FSTL4: variants seen among roughly 807,000 people sequenced by gnomAD.
FSTL4 encodes follistatin-related protein 4.
Under a neutral mutation model 78.2 loss-of-function variants are expected in FSTL4, and 28 were observed. The observed-to-expected ratio is 0.36, with a 90% CI of 0.27 to 0.49. The LOEUF is 0.49. Among genes scored for constraint, FSTL4 ranks in the 20% least tolerant of loss-of-function variants. The probability of loss-of-function intolerance (pLI) is 0.98; values close to 1 mark genes in which losing one functional copy is unlikely to be tolerated. For synonymous variants in FSTL4, 422 were observed against 440.5 expected, an observed-to-expected ratio of 0.96 and a Z score of 0.53; for missense variants, 922 against 1,084.9, an observed-to-expected ratio of 0.85 and a Z score of 2.11.
intron 3 of FSTL4, among the ~76,000 whole-genome samples, chr5:133,401,905 C>T (rs72805042): frequency 0.048 from 7,280 of 152,014 alleles, 181 homozygotes; most frequent in South Asian, 0.074. Flanking sequence ...ACTTGGAGAG[C>T]CAAGCAGAGA....
At chr5:133,401,244 T>C (rs889864329) in intron 3 of FSTL4, among the ~76,000 whole-genome samples, 11 of 152,204 alleles carry the variant, frequency 7.2e-5, no homozygotes, top group African/African-American at 1.9e-4. Context: ...ACACAACACC[T>C]TTCCAACCTA....
At chr5:133,795,182 C>T in the FSTL4 span, among the ~76,000 whole-genome samples, 1 of 152,282 alleles carries the variant, frequency 6.6e-6, no homozygotes, top group East Asian at 1.9e-4. Context: ...CTTTATTTGG[C>T]CGTGAAGCTG....
chr5:133,375,576 T>C (rs1477564607), intron 4 of FSTL4, among the ~76,000 whole-genome samples: 1 of 151,896 alleles, frequency 6.6e-6, no homozygotes, highest in Non-Finnish European at 1.5e-5. Flanking sequence ...GGAGTGTTGG[T>C]GAAAGCATGA....
intron 3 of FSTL4, among the ~76,000 whole-genome samples, chr5:133,518,427 G>C (rs1175580788): frequency 1.3e-5 from 2 of 152,138 alleles, no homozygotes; most frequent in East Asian, 3.8e-4. Context: ...TTAAAACAAT[G>C]AAGTACCATT....
intron 4 of FSTL4, among the ~76,000 whole-genome samples, chr5:133,317,484 C>A (rs1196809048): frequency 6.6e-6 from 1 of 152,260 alleles, no homozygotes; most frequent in Non-Finnish European, 1.5e-5. Context: ...CCTGGCTTTG[C>A]TGAATCCTGG....
intron 12 of FSTL4, among the ~76,000 whole-genome samples, chr5:133,218,468 T>C (rs1581536067): frequency 6.6e-6 from 1 of 152,168 alleles, no homozygotes; most frequent in African/African-American, 2.4e-5. Flanking sequence ...CTCCTCTTTC[T>C]CAATTCCCCC....
At chr5:133,390,971 C>A (rs906007836) in intron 4 of FSTL4, among the ~76,000 whole-genome samples, 4 of 152,194 alleles carry the variant, frequency 2.6e-5, no homozygotes, top group African/African-American at 9.7e-5. Flanking sequence ...TACCCACTGT[C>A]CTCCCAGCCA....
intron 3 of FSTL4, among the ~76,000 whole-genome samples, chr5:133,484,829 T>C (rs538291767): frequency 6.6e-6 from 1 of 152,332 alleles, no homozygotes; most frequent in African/African-American, 2.4e-5. Flanking sequence ...ATTCCTTCCT[T>C]CTTACTTTGC....
At chr5:133,778,052 G>T in the FSTL4 span, among the ~76,000 whole-genome samples, 3 of 152,214 alleles carry the variant, frequency 2.0e-5, no homozygotes, top group Non-Finnish European at 4.4e-5. Flanking sequence ...GTCTCAGCTG[G>T]TCAGTGGGCC....
chr5:133,402,700 G>A (rs1756262110), intron 3 of FSTL4, among the ~76,000 whole-genome samples: 1 of 152,182 alleles, frequency 6.6e-6, no homozygotes, highest in South Asian at 2.1e-4. Context: ...TTAACTGCTT[G>A]ATTCAATAAT....
chr5:133,432,239 T>A (rs1458364159), intron 3 of FSTL4, among the ~76,000 whole-genome samples: 1 of 152,304 alleles, frequency 6.6e-6, no homozygotes, highest in East Asian at 1.9e-4. Flanking sequence ...GGAGGTAAAT[T>A]TGGAATCCAG....
At chr5:133,823,991 C>G in the FSTL4 span, among the ~76,000 whole-genome samples, 2 of 152,172 alleles carry the variant, frequency 1.3e-5, no homozygotes, top group African/African-American at 4.8e-5. Flanking sequence ...GAGACAAATA[C>G]CTTTGAAGAG....
intron 4 of FSTL4, among the ~76,000 whole-genome samples, chr5:133,366,423 G>T (rs949574693): frequency 6.6e-6 from 1 of 152,136 alleles, no homozygotes. Flanking sequence ...TGAGGGCAAG[G>T]ATACCGTCTG....
chr5:133,579,326 G>A (rs1036777860), intron 2 of FSTL4, among the ~76,000 whole-genome samples: 5 of 152,192 alleles, frequency 3.3e-5, no homozygotes, highest in Non-Finnish European at 7.3e-5. Context: ...GCTGGCTCAC[G>A]GAACATACTG....
the FSTL4 span, among the ~76,000 whole-genome samples, chr5:133,644,843 C>T: frequency 1.3e-5 from 2 of 152,130 alleles, no homozygotes; most frequent in Non-Finnish European, 2.9e-5. Context: ...CTGGGTTCTG[C>T]CAACTGCTTA....
At chr5:133,602,717 T>C (rs992850616) in intron 2 of FSTL4, among the ~76,000 whole-genome samples, 13 of 152,148 alleles carry the variant, frequency 8.5e-5, no homozygotes, top group Non-Finnish European at 5.9e-5. Flanking sequence ...AGAGATAGCG[T>C]TTCTGTTTAA....
At chr5:133,538,575 A>G (rs111373011) in intron 3 of FSTL4, among the ~76,000 whole-genome samples, 104 of 151,134 alleles carry the variant, frequency 6.9e-4, no homozygotes, top group African/African-American at 2.4e-3. Flanking sequence ...TTTTAACTCC[A>G]TCTTTCCTTC....
Position 133,236,530 on chromosome 5 carries a change from T to C in FSTL4, c.895-2993A>G, listed in dbSNP as rs1479982706. Among the ~76,000 whole-genome samples, 1 of 152,142 alleles carries C rather than the reference T, an allele frequency of 6.6e-6. No homozygotes were observed. The highest frequency in any genetic ancestry group is 1.5e-5 in the Non-Finnish European group (1 of 68,020). On this transcript the variant is annotated intron_variant, in intron 7 of 15. Transcript: ENST00000265342. This position sits in a 1 kb window ranked among gnomAD's most constrained non-coding sequence, Gnocchi z 5.0. ...GATTCATTCAGAGTGGGGTCTTCTC[T>C]CACCACCTCCATCGCTCCTGCTCTG...
intron 6 of FSTL4, among the ~76,000 whole-genome samples, chr5:133,282,167 G>A (rs1356206087): frequency 6.6e-6 from 1 of 152,152 alleles, no homozygotes; most frequent in Non-Finnish European, 1.5e-5. Context: ...GGGGACACTT[G>A]AACTGAGTCT....
Sources: allele counts gnomAD v4.1 joint callset (sites outside exome capture counted in the v4.1 genomes callset), GRCh38; gene constraint gnomAD v4.1.1; non-coding constraint Gnocchi (gnomAD v3.1); transcripts MANE v1.5; gene names NCBI Gene and HGNC (gene_info 2026-07-23, HGNC 2026-07-21).